Variants in TNKS observed in about 807,000 individuals in gnomAD.
The protein encoded by TNKS is tankyrase, also known as poly [ADP-ribose] polymerase tankyrase-1.
In TNKS, 72 loss-of-function variants were observed where a neutral mutation model predicts 135.8. That is an observed-to-expected ratio of 0.53 (90% CI 0.44 to 0.64). The LOEUF is 0.64. Among genes scored for constraint, TNKS ranks in the 30% least tolerant of loss-of-function variants. TNKS has a pLI of 0.00. For missense variants in TNKS, 1,769 were observed against 1,674.0 expected (o/e 1.06, Z -0.99); for synonymous variants, 849 against 649.3 (o/e 1.31, Z -4.68).
chr8:9,580,817 A>C (rs1391015793), intron 2 of TNKS, among the ~76,000 whole-genome samples: 2 of 152,144 alleles, frequency 1.3e-5, no homozygotes, highest in Admixed American at 6.6e-5. Flanking sequence ...GAGTGTTTTG[A>C]ATACAGTAGT....
At chr8:9,761,448 A>G (rs1478010075) in intron 20 of TNKS, 68 bp from the exon 21 acceptor site, 4 of 1,536,730 alleles carry the variant, frequency 2.6e-6, no homozygotes, top group Middle Eastern at 1.7e-4. Context: ...ATTGAAGGCA[A>G]TTGGAAAAGC....
At chr8:9,667,927 C>T (rs1052783469) in intron 3 of TNKS, among the ~76,000 whole-genome samples, 1 of 150,074 alleles carries the variant, frequency 6.7e-6, no homozygotes, top group Non-Finnish European at 1.5e-5. Flanking sequence ...TATACAGGCA[C>T]TGTTTACAAT....
At chr8:9,683,870 T>C (rs1802880226) in intron 5 of TNKS, among the ~76,000 whole-genome samples, 1 of 152,012 alleles carries the variant, frequency 6.6e-6, no homozygotes, top group Non-Finnish European at 1.5e-5. Context: ...TAAGGTTTTA[T>C]ACAGTTTATA....
intron 3 of TNKS, among the ~76,000 whole-genome samples, chr8:9,651,987 C>T (rs902922069): frequency 6.6e-6 from 1 of 152,062 alleles, no homozygotes; most frequent in Admixed American, 6.5e-5. Context: ...AATCAATATG[C>T]GTTTCATGCA....
chr8:9,588,369 G>C (rs537670005), intron 2 of TNKS, among the ~76,000 whole-genome samples: 2 of 152,086 alleles, frequency 1.3e-5, no homozygotes, highest in East Asian at 3.9e-4. Context: ...CTGCCTCCCA[G>C]GTTCACGCCA....
At chr8:9,571,095 A>T (rs1381819549) in intron 1 of TNKS, among the ~76,000 whole-genome samples, 1 of 152,204 alleles carries the variant, frequency 6.6e-6, no homozygotes, top group African/African-American at 2.4e-5. Context: ...CATTCATTGT[A>T]CTATGTTTAA....
chr8:9,656,124 A>C (rs1012589684), intron 3 of TNKS, among the ~76,000 whole-genome samples: 2 of 152,242 alleles, frequency 1.3e-5, no homozygotes, highest in Non-Finnish European at 2.9e-5. Context: ...AATGCGATCA[A>C]CTGGAAGAAA....
intron 25 of TNKS, among the ~76,000 whole-genome samples, chr8:9,769,591 A>T (rs1807681782): frequency 6.6e-6 from 1 of 150,506 alleles, no homozygotes; most frequent in Non-Finnish European, 1.5e-5. Flanking sequence ...CCACCAGGCA[A>T]AACTTACTGG....
intron 3 of TNKS, among the ~76,000 whole-genome samples, chr8:9,634,578 A>T (rs1016975601): frequency 3.9e-5 from 6 of 152,224 alleles, no homozygotes; most frequent in African/African-American, 1.4e-4. Flanking sequence ...GTTGGGAGCA[A>T]GGGCTCTTAC....
intron 3 of TNKS, among the ~76,000 whole-genome samples, chr8:9,666,276 C>A (rs1484275137): frequency 6.6e-6 from 1 of 152,072 alleles, no homozygotes; most frequent in East Asian, 1.9e-4. Flanking sequence ...AAACTCATGT[C>A]TTTTTTAAAC....
In TNKS at chr8:9,556,541, T is replaced by G; in HGVS notation, c.602T>G (p.Leu201Arg). 2.5e-6 allele frequency: 4 copies of G among 1,614,082 alleles called. No homozygotes were observed. Among genetic ancestry groups the G allele is most frequent in the Non-Finnish European group, 3.4e-6 (4 of 1,180,010 alleles). Reference sequence around the variant, plus strand: ...GGGGACGTGTCCCGGGTAAAGAGGCTGGTGGACGCGGCAAACGTAAATGCA... The same window carrying G: ...GGGGACGTGTCCCGGGTAAAGAGGCGGGTGGACGCGGCAAACGTAAATGCA... ...RNGDVSRVKRLVDAANVNAKD... is the reference protein window; with the variant it reads ...RNGDVSRVKRRVDAANVNAKD... Residue 201 changes from leucine (L) to arginine (R), a missense_variant, in exon 1 of 27, where the codon CTG becomes CGG. Transcript: ENST00000310430.
At chr8:9,676,006 A>ATTT (rs760646836) in intron 3 of TNKS, among the ~76,000 whole-genome samples, 11 of 130,820 alleles carry the variant, frequency 8.4e-5, no homozygotes, top group African/African-American at 2.0e-4. Context: ...AAAAGTCAGA[A>ATTT]TTTTTTTTTT....
chr8:9,608,416 G>T (rs190104279), intron 2 of TNKS, among the ~76,000 whole-genome samples: 2 of 152,086 alleles, frequency 1.3e-5, no homozygotes, highest in Admixed American at 1.3e-4. Context: ...AGGTGCGTCA[G>T]GTGTGTTAAC....
intron 5 of TNKS, among the ~76,000 whole-genome samples, chr8:9,701,961 T>C (rs1335213886): frequency 6.6e-6 from 1 of 152,176 alleles, no homozygotes; most frequent in Non-Finnish European, 1.5e-5. Context: ...GCCTAGGAAC[T>C]CACACAGAGT....
chr8:9,701,068 G>T (rs1248879413), intron 5 of TNKS, among the ~76,000 whole-genome samples: 3 of 151,562 alleles, frequency 2.0e-5, no homozygotes, highest in Admixed American at 1.3e-4. Flanking sequence ...CAAGTCGCTG[G>T]GACTACAGGT....
intron 5 of TNKS, among the ~76,000 whole-genome samples, chr8:9,700,560 C>A (rs11249940): frequency 0.098 from 14,922 of 151,962 alleles, 828 homozygotes; most frequent in South Asian, 0.17. Flanking sequence ...TTCAGTAAAC[C>A]CAGACCTCAC....
At chr8:9,588,185 T>C (rs1260136705) in intron 2 of TNKS, among the ~76,000 whole-genome samples, 2 of 152,206 alleles carry the variant, frequency 1.3e-5, no homozygotes, top group East Asian at 1.9e-4. Flanking sequence ...CTTGTCCTTA[T>C]ACACTTGTTT....
At chr8:9,712,046 G>C (rs1392686820) in intron 11 of TNKS, among the ~76,000 whole-genome samples, 3 of 152,146 alleles carry the variant, frequency 2.0e-5, no homozygotes, top group Non-Finnish European at 4.4e-5. Context: ...GAAAGCCTTA[G>C]CATAATTAGT....
chr8:9,590,388 T>G (rs1236434539), intron 2 of TNKS, among the ~76,000 whole-genome samples: 1 of 152,234 alleles, frequency 6.6e-6, no homozygotes, highest in Non-Finnish European at 1.5e-5. Flanking sequence ...CATAATTTCT[T>G]GCCCTGCCCT....
Sources: gnomAD v4.1 joint callset for allele counts (sites outside exome capture counted in the v4.1 genomes callset) on GRCh38, gnomAD v4.1.1 for gene constraint, MANE v1.5 for transcripts, NCBI Gene and HGNC (gene_info 2026-07-23, HGNC 2026-07-21) for gene names.